Variants in PRKG1 observed in about 807,000 individuals in gnomAD.
PRKG1 encodes cGMP-dependent protein kinase 1.
Under a neutral mutation model 88.1 loss-of-function variants are expected in PRKG1, and 35 were observed. The ratio of observed to expected loss-of-function variants is 0.40; its 90% confidence interval spans 0.30 to 0.53. The LOEUF (loss-of-function observed/expected upper bound fraction) is 0.53, where lower values mean the gene tolerates loss of function less well. Among genes scored for constraint, PRKG1 ranks in the 20% least tolerant of loss-of-function variants. The probability of loss-of-function intolerance (pLI) is 0.59; values close to 1 mark genes in which losing one functional copy is unlikely to be tolerated. For synonymous variants in PRKG1, 303 were observed against 292.5 expected, an observed-to-expected ratio of 1.04 and a Z score of -0.37; for missense variants, 540 against 839.8, an observed-to-expected ratio of 0.64 and a Z score of 4.41.
chr10:51,074,237 G>T (rs1843885841), upstream of PRKG1: 1 of 219,680 alleles, frequency 4.6e-6, no homozygotes, highest in Non-Finnish European at 9.0e-6. Flanking sequence ...CTGCCTCGGA[G>T]CCCCCATTCA....
chr10:51,988,601 T>C (rs1345291963), intron 5 of PRKG1, among the ~76,000 whole-genome samples: 1 of 152,092 alleles, frequency 6.6e-6, no homozygotes, highest in East Asian at 1.9e-4. Flanking sequence ...TCTCTAATAA[T>C]AAAGGTAAAC....
intron 2 of PRKG1, among the ~76,000 whole-genome samples, chr10:51,449,536 C>A (rs1345833823): frequency 6.9e-6 from 1 of 145,506 alleles, no homozygotes; most frequent in Admixed American, 6.9e-5. Context: ...AAAATAAAGG[C>A]CCAAGGCTAG....
chr10:52,262,476 G>C (rs1448398470), intron 10 of PRKG1, among the ~76,000 whole-genome samples: 1 of 151,980 alleles, frequency 6.6e-6, no homozygotes, highest in Non-Finnish European at 1.5e-5. Flanking sequence ...TCACCATGTT[G>C]GCCAGGCTGG....
At chr10:51,052,115 C>T in intron 1 of PRKG1, among the ~76,000 whole-genome samples, 1 of 152,172 alleles carries the variant, frequency 6.6e-6, no homozygotes, top group Non-Finnish European at 1.5e-5. Context: ...AGACAATAAG[C>T]ACATTTTGTA....
At chr10:51,777,195 A>T (rs2132555769) in intron 3 of PRKG1, among the ~76,000 whole-genome samples, 1 of 152,238 alleles carries the variant, frequency 6.6e-6, no homozygotes, top group Middle Eastern at 3.4e-3. Context: ...TATTTGACAG[A>T]CACTATTAGG....
At chr10:51,238,928 T>A (rs182357678) in intron 2 of PRKG1, among the ~76,000 whole-genome samples, 122 of 152,090 alleles carry the variant, frequency 8.0e-4, no homozygotes, top group African/African-American at 2.8e-3. Flanking sequence ...ATTTTTTTTT[T>A]AATTTTGGTA....
chr10:52,206,343 G>T, intron 9 of PRKG1, among the ~76,000 whole-genome samples: 1 of 152,180 alleles, frequency 6.6e-6, no homozygotes, highest in East Asian at 1.9e-4. Context: ...CCTTGGATTG[G>T]GTTTTGTCTT....
At chr10:51,015,764 A>G (rs1289786503) in intron 1 of PRKG1, among the ~76,000 whole-genome samples, 2 of 152,124 alleles carry the variant, frequency 1.3e-5, no homozygotes, top group African/African-American at 4.8e-5. Context: ...GTGGGCATCT[A>G]TAATCCCAGC....
Position 51,996,051 on chromosome 10 carries a change from G to C in PRKG1, c.763-58433G>C, listed in dbSNP as rs192798598. The stretch of plus-strand genomic sequence containing the variant: ...TAACTGGCCGGGCACGGTGGCTTAC[G>C]CCTGTAATCTCAGCACTTTGGGAGG... On this transcript the variant is annotated intron_variant, in intron 5 of 17. Coordinates refer to ENST00000373980, the MANE Select transcript of PRKG1 (RefSeq NM_006258.4). 2.2e-4 allele frequency among the ~76,000 whole-genome samples: 33 copies of C among 151,954 alleles called. No individual in the cohort carries two copies. The East Asian group carries it at 6.2e-3, about 29-fold the overall frequency.
At chr10:51,939,748 A>G (rs868554030) in intron 5 of PRKG1, among the ~76,000 whole-genome samples, 9 of 150,786 alleles carry the variant, frequency 6.0e-5, no homozygotes, top group African/African-American at 1.7e-4. Context: ...ACCAGTGGGA[A>G]TAATACATAT....
chr10:52,081,584 A>G (rs1468784696), intron 7 of PRKG1: 2 of 456,522 alleles, frequency 4.4e-6, no homozygotes, highest in African/African-American at 2.0e-5. Context: ...ACCATATGCC[A>G]TGTACGATGT....
chr10:51,944,272 T>A (rs1009246576), intron 5 of PRKG1, among the ~76,000 whole-genome samples: 1 of 152,188 alleles, frequency 6.6e-6, no homozygotes, highest in Admixed American at 6.5e-5. Context: ...CTGATGGCAG[T>A]TCGTATTTCT....
chr10:51,484,068 C>T (rs925041770), intron 3 of PRKG1, among the ~76,000 whole-genome samples: 27 of 152,072 alleles, frequency 1.8e-4, no homozygotes, highest in African/African-American at 6.3e-4. Flanking sequence ...ATTGTTGATG[C>T]ACGAAATGAT....
Position 51,331,882 on chromosome 10 carries a change from T to C in PRKG1, c.479-135841T>C, listed in dbSNP as rs984651077. ...AGTTGTCATGTGGCTTAATGGGTGTTTTTGAAGAATAATCCTGAAGGGGAG... is the reference window on the plus strand; with the variant it reads ...AGTTGTCATGTGGCTTAATGGGTGTCTTTGAAGAATAATCCTGAAGGGGAG... On this transcript the variant is annotated intron_variant, in intron 2 of 17. Coordinates refer to ENST00000373980, the MANE Select transcript of PRKG1 (RefSeq NM_006258.4). Among the ~76,000 whole-genome samples the C allele has an allele frequency of 2.6e-5, 4 of 152,286 alleles. No homozygotes were observed. The South Asian group carries it at 6.2e-4, about 24-fold the overall frequency.
Position 52,294,173 on chromosome 10 carries a change from A to C in PRKG1, c.*273A>C. The C allele has an allele frequency of 3.0e-6, 1 of 337,968 alleles. No homozygotes were observed. The highest frequency in any genetic ancestry group is 5.6e-5 in the South Asian group (1 of 17,714). The allele number at this position is 337,968 out of a possible 1,614,324, so 20.9% of individuals were successfully genotyped here. On this transcript the variant is annotated 3_prime_UTR_variant, in exon 18 of 18. Transcript: ENST00000373980. Reference sequence around the variant, plus strand: ...AGTAAAAGATGTTTTCTATTGTTGCAATGACCTTGCTTTGCTCTGATTATA... The same window carrying C: ...AGTAAAAGATGTTTTCTATTGTTGCCATGACCTTGCTTTGCTCTGATTATA...
At chr10:50,996,272 G>C (rs989479436) in intron 1 of PRKG1, among the ~76,000 whole-genome samples, 7 of 152,134 alleles carry the variant, frequency 4.6e-5, no homozygotes, top group Non-Finnish European at 8.8e-5. Flanking sequence ...TAAGTCACCT[G>C]TCTAAGGTGT....
chr10:52,142,626 A>G (rs893048085), intron 8 of PRKG1, among the ~76,000 whole-genome samples: 1 of 152,198 alleles, frequency 6.6e-6, no homozygotes, highest in Non-Finnish European at 1.5e-5. Flanking sequence ...TCAAATGGAT[A>G]AGAACCTCAC....
At chr10:51,549,080 A>C (rs762792586) in intron 3 of PRKG1, among the ~76,000 whole-genome samples, 1 of 145,506 alleles carries the variant, frequency 6.9e-6, no homozygotes, top group Non-Finnish European at 1.5e-5. Flanking sequence ...TGGGATACCA[A>C]GTTTCTTCCC....
At chr10:51,770,899 G>A (rs1564640181) in intron 3 of PRKG1, among the ~76,000 whole-genome samples, 1 of 152,072 alleles carries the variant, frequency 6.6e-6, no homozygotes, top group Non-Finnish European at 1.5e-5. Context: ...TTAACAAGAG[G>A]GATATGTTCT....
Sources: allele counts gnomAD v4.1 joint callset (sites outside exome capture counted in the v4.1 genomes callset), GRCh38; gene constraint gnomAD v4.1.1; transcripts MANE v1.5; gene names NCBI Gene and HGNC (gene_info 2026-07-23, HGNC 2026-07-21).